ARHGEF25: variants seen among roughly 807,000 people sequenced by gnomAD.
The protein encoded by ARHGEF25 is RAC/CDC42 exchange factor.
A neutral mutation model predicts 74.0 loss-of-function variants in ARHGEF25; 42 were observed. The observed-to-expected ratio is 0.57, with a 90% CI of 0.44 to 0.73. ARHGEF25 has a LOEUF of 0.73. ARHGEF25 is among the 30% of genes least tolerant of loss of function. The probability of loss-of-function intolerance (pLI) is 0.00; values close to 1 mark genes in which losing one functional copy is unlikely to be tolerated. For synonymous variants in ARHGEF25, 293 were observed against 278.6 expected (o/e 1.05, Z -0.51); for missense variants, 645 against 725.5 (o/e 0.89, Z 1.27).
chr12:57,612,572 G>C, intron 1 of ARHGEF25: 1 of 416,218 alleles, frequency 2.4e-6, no homozygotes. Context: ...AGAATGGTCT[G>C]TACCCATTGA....
At chr12:57,613,646 G>A (rs752207521) in intron 4 of ARHGEF25, 48 bp from the exon 5 acceptor site, 6 of 1,612,368 alleles carry the variant, frequency 3.7e-6, no homozygotes, top group South Asian at 2.2e-5. Flanking sequence ...CTGAACCAAG[G>A]ATGAGCTCCG....
chr12:57,613,885 T>A (rs1288091798), intron 5 of ARHGEF25, 125 bp downstream of exon 5: 2 of 1,478,768 alleles, frequency 1.4e-6, no homozygotes, highest in Middle Eastern at 2.0e-4. Flanking sequence ...TGGACCTTCC[T>A]ACTCTGGGGG....
At chr12:57,610,230 A>G, upstream of ARHGEF25, 1 of 1,592,546 alleles carries the variant, frequency 6.3e-7, no homozygotes, top group Non-Finnish European at 8.5e-7. Flanking sequence ...AAGCCCCCGG[A>G]CCGCCCCGCC....
chr12:57,612,707 G>C (rs1200994924), intron 1 of ARHGEF25: 6 of 1,426,950 alleles, frequency 4.2e-6, no homozygotes, highest in Non-Finnish European at 5.5e-6. Context: ...GTAACTGGGG[G>C]TTCCAGGCCT....
chr12:57,610,227 C>T (rs768274142), upstream of ARHGEF25: 2 of 1,594,648 alleles, frequency 1.3e-6, no homozygotes, highest in Non-Finnish European at 1.7e-6. Context: ...ATGAAGCCCC[C>T]GGACCGCCCC....
Position 57,611,914 on chromosome 12 carries a change from G to T in ARHGEF25, c.20G>T (p.Gly7Val). ...GGCGCCATGCGGGGGGGGCACAAAG[G>T]GGGTCGCTGTGCCTGTCCCCGTGTG... MRGGHK[G>V]GRCACPRVIR... The change falls in exon 1 of 15, where the codon GGG (glycine) becomes GTG (valine). Residue 7 changes from glycine (G) to valine (V), a missense_variant. Gly to Val is a moderately radical substitution (Grantham distance 109, BLOSUM62 -3). Coordinates refer to ENST00000286494, the MANE Select transcript of ARHGEF25 (RefSeq NM_182947.4). The surrounding 1 kb of genome is among the most constrained non-coding windows in gnomAD (Gnocchi z 4.5). 7.8e-7 allele frequency: 1 copy of T among 1,283,066 alleles called. No individual in the cohort carries two copies. Among genetic ancestry groups the T allele is most frequent in the Non-Finnish European group, 1.0e-6 (1 of 998,214 alleles). 79.5% of individuals were successfully genotyped at this position (1,283,066 alleles called of 1,614,324 possible).
At chr12:57,610,699 G>A (rs766792717), upstream of ARHGEF25, 7 of 1,602,648 alleles carry the variant, frequency 4.4e-6, no homozygotes, top group South Asian at 7.8e-5. Context: ...GAAGCTGGGG[G>A]TGGGGTGGGG....
upstream of ARHGEF25, chr12:57,610,614 G>A (rs1884000207): frequency 6.2e-7 from 1 of 1,612,752 alleles, no homozygotes; most frequent in African/African-American, 1.3e-5. Flanking sequence ...CCGAGCCAGA[G>A]TCTGAACGTA....
chr12:57,613,880 C>T (rs968641560), intron 5 of ARHGEF25, 120 bp downstream of exon 5: 4 of 1,487,084 alleles, frequency 2.7e-6, no homozygotes, highest in Non-Finnish European at 3.7e-6. Context: ...ACTCCTGGAC[C>T]TTCCTACTCT....
At position 57,611,737 on chromosome 12, in the gene ARHGEF25, T is replaced by C. The variant is rs1264216649; in HGVS notation, c.-158T>C. The C allele has an allele frequency of 2.5e-6, 3 of 1,188,870 alleles. No homozygotes were observed. Among genetic ancestry groups the C allele is most frequent in the African/African-American group, 3.2e-5 (2 of 62,616 alleles). 73.6% of individuals were successfully genotyped at this position (1,188,870 alleles called of 1,614,324 possible). A position where few individuals can be genotyped will look rare whatever the true frequency, so the allele number is the denominator to read the frequency against. Reference sequence around the variant, plus strand: ...TCAAGACTAGACTTCCGCCTACCCCTGGACACCTCCTCCCGGTCCCCTCCC... The same window carrying C: ...TCAAGACTAGACTTCCGCCTACCCCCGGACACCTCCTCCCGGTCCCCTCCC... On this transcript the variant is annotated 5_prime_UTR_variant, in exon 1 of 15. Coordinates refer to ENST00000286494, the MANE Select transcript of ARHGEF25 (RefSeq NM_182947.4). This position sits in a 1 kb window ranked among gnomAD's most constrained non-coding sequence, Gnocchi z 4.5.
chr12:57,615,673 T>A lies in ARHGEF25; in HGVS notation c.1200T>A (p.Gly400=). The change falls in exon 12 of 15, where the codon GGT becomes GGA. Residue 400 remains glycine (G), a synonymous_variant. Transcript: ENST00000286494. ...FSEALGGGVR[G]GTQPGYVYKN... is the part of the protein sequence containing the mutation. ...AAGCCCTGGGAGGAGGAGTGAGAGGTGGAACACAGCCTGGATATGTATACA... is the reference window on the plus strand; with the variant it reads ...AAGCCCTGGGAGGAGGAGTGAGAGGAGGAACACAGCCTGGATATGTATACA... 7 of 1,613,652 alleles carry A rather than the reference T, an allele frequency of 4.3e-6. No individual in the cohort carries two copies. Among genetic ancestry groups the A allele is most frequent in the Non-Finnish European group, 5.1e-6 (6 of 1,179,902 alleles).
chr12:57,615,202 C>T (rs554272221), intron 10 of ARHGEF25, 35 bp from the exon 11 acceptor site: 16 of 1,574,184 alleles, frequency 1.0e-5, no homozygotes, highest in African/African-American at 8.2e-5. Context: ...TGACTCTCTT[C>T]GCCCAACAAT....
upstream of ARHGEF25, chr12:57,610,777 C>A: frequency 8.9e-7 from 1 of 1,119,050 alleles, no homozygotes; most frequent in Non-Finnish European, 1.2e-6. Context: ...ATAAAGTTCG[C>A]ATCTAATTTG....
rs1036108462 is a variant in ARHGEF25, at chr12:57,615,128, G to C, written c.961-109G>C. ...TACAGCTGTCTGGTTTTTAGGGGGA[G>C]GCTGGTTGGGGTTGAGATACCGTCT... On this transcript the variant is annotated intron_variant, in intron 10 of 14. Transcript: ENST00000286494. 3.6e-5 allele frequency: 56 copies of C among 1,560,906 alleles called. 1 individual carries two copies. The Middle Eastern group carries it at 7.1e-4, about 20-fold the overall frequency.
chr12:57,614,631 G>A lies in ARHGEF25; in HGVS notation c.816+26G>A. ...GTCAGTAGCTGAGATGTCTTGGTGG[G>A]AAGGAGGACAGAACTGGGGCTTTCC... On this transcript the variant is annotated intron_variant, in intron 8 of 14. Coordinates refer to ENST00000286494, the MANE Select transcript of ARHGEF25 (RefSeq NM_182947.4). The surrounding 1 kb of genome is among the most constrained non-coding windows in gnomAD (Gnocchi z 4.6). 1 of 1,613,990 alleles carries A rather than the reference G, an allele frequency of 6.2e-7. No individual in the cohort carries two copies. Among genetic ancestry groups the A allele is most frequent in the Non-Finnish European group, 8.5e-7 (1 of 1,179,986 alleles).
chr12:57,613,256 G>C lies in ARHGEF25; in HGVS notation c.313-8G>C, dbSNP rs768470341. The C allele has an allele frequency of 1.2e-6, 2 of 1,613,860 alleles. No individual in the cohort carries two copies. The highest frequency in any genetic ancestry group is 2.2e-5 in the East Asian group (1 of 44,892). ...CCCGACCTCTGACACTTGATTTCTG[G>C]CCCCCAGAACTGGATGTTGGAGCCA... On this transcript the variant is annotated splice_polypyrimidine_tract_variant and splice_region_variant and intron_variant, in intron 2 of 14. Coordinates refer to ENST00000286494, the MANE Select transcript of ARHGEF25 (RefSeq NM_182947.4).
At position 57,614,161 on chromosome 12, in the gene ARHGEF25, C is replaced by T; in HGVS notation, c.656+42C>T. On this transcript the variant is annotated intron_variant, in intron 6 of 14. Transcript: ENST00000286494. This position sits in a 1 kb window ranked among gnomAD's most constrained non-coding sequence, Gnocchi z 4.6. ...TGACAGCTAGGTGCTGGAGAGGGGC[C>T]CTCATCTGGTTGTCCTGTATCCTAA... The T allele has an allele frequency of 6.2e-7, 1 of 1,606,728 alleles. No individual in the cohort carries two copies. The highest frequency in any genetic ancestry group is 8.5e-7 in the Non-Finnish European group (1 of 1,173,550).
chr12:57,614,926 G>T lies in ARHGEF25; in HGVS notation c.910-41G>T. On this transcript the variant is annotated intron_variant, in intron 9 of 14. Transcript: ENST00000286494. The surrounding 1 kb of genome is among the most constrained non-coding windows in gnomAD (Gnocchi z 4.6). Reference sequence around the variant, plus strand: ...GGAGGATGTGAGAGCTTCTAAGGGTGTCCTCGTGACCTCCCTGAGCATTTC... The same window carrying T: ...GGAGGATGTGAGAGCTTCTAAGGGTTTCCTCGTGACCTCCCTGAGCATTTC... 6.2e-7 allele frequency: 1 copy of T among 1,609,818 alleles called. No homozygotes were observed. Among genetic ancestry groups the T allele is most frequent in the Non-Finnish European group, 8.5e-7 (1 of 1,176,668 alleles).
chr12:57,610,653 A>G, upstream of ARHGEF25: 1 of 1,610,886 alleles, frequency 6.2e-7, no homozygotes, highest in Non-Finnish European at 8.5e-7. Context: ...GGGATCGCGA[A>G]CATGAGGTCC....
Sources: allele counts gnomAD v4.1 joint callset, GRCh38; gene constraint gnomAD v4.1.1; non-coding constraint Gnocchi (gnomAD v3.1); transcripts MANE v1.5; gene names NCBI Gene and HGNC (gene_info 2026-07-23, HGNC 2026-07-21).